The following TSPAN15 variants were observed in gnomAD, a reference collection of about 807,000 sequenced individuals.
TSPAN15 encodes the protein tetraspanin-15.
Under a neutral mutation model 34.5 loss-of-function variants are expected in TSPAN15, and 20 were observed. The observed-to-expected ratio is 0.58, with a 90% confidence interval of 0.41 to 0.84. TSPAN15 has a LOEUF of 0.84. Among genes scored for constraint, TSPAN15 ranks in the 40% least tolerant of loss-of-function variants. The probability of loss-of-function intolerance (pLI) is 0.00; values close to 1 mark genes in which losing one functional copy is unlikely to be tolerated. For missense variants in TSPAN15, 313 were observed against 386.1 expected (o/e 0.81, Z 1.59); for synonymous variants, 155 against 153.9 (o/e 1.01, Z -0.05).
chr10:69,501,721 A>G (rs963781006), intron 5 of TSPAN15, among the ~76,000 whole-genome samples: 29 of 152,214 alleles, frequency 1.9e-4, no homozygotes, highest in African/African-American at 7.0e-4. Flanking sequence ...CCCTACCTCC[A>G]GGCCATGAAC....
chr10:69,490,724 C>G (rs930742581), intron 3 of TSPAN15, among the ~76,000 whole-genome samples: 7 of 152,162 alleles, frequency 4.6e-5, no homozygotes, highest in African/African-American at 1.7e-4. Flanking sequence ...GATTCTGTCT[C>G]AAACAAAACA....
rs559602492 is a variant in TSPAN15 at position 69,476,004 on chromosome 10, A to G, written c.97-7687A>G. 3.3e-5 allele frequency among the ~76,000 whole-genome samples: 5 copies of G among 152,318 alleles called. 1 individual carries two copies. In the South Asian group the frequency reaches 1.0e-3, roughly 32 times the overall value. ...ATTTATTATTTCTTCACTTAGGAGCAGGAAGACCTGCTAGAGTAGAAATGT... is the reference window on the plus strand; with the variant it reads ...ATTTATTATTTCTTCACTTAGGAGCGGGAAGACCTGCTAGAGTAGAAATGT... On this transcript the variant is annotated intron_variant, in intron 1 of 7. Transcript: ENST00000373290.
At position 69,507,338 on chromosome 10, in the gene TSPAN15, G is replaced by A. The variant is rs1842353932; in HGVS notation, c.*360G>A. On this transcript the variant is annotated 3_prime_UTR_variant, in exon 8 of 8. Coordinates refer to ENST00000373290, the MANE Select transcript of TSPAN15 (RefSeq NM_012339.5). ...CGGTGGTATTCAAGGCAGTTTTGTAGCACCTGTAATTGGGGAGAGGGAGTG... is the reference window on the plus strand; with the variant it reads ...CGGTGGTATTCAAGGCAGTTTTGTAACACCTGTAATTGGGGAGAGGGAGTG... The A allele has an allele frequency of 8.2e-7, 1 of 1,216,400 alleles. No individual in the cohort carries two copies. The highest frequency in any genetic ancestry group is 1.0e-6 in the Non-Finnish European group (1 of 961,636). 75.4% of individuals were successfully genotyped at this position (1,216,400 alleles called of 1,614,324 possible).
chr10:69,495,753 T>TCTTCTTGAGCAGGG, intron 4 of TSPAN15, 64 bp downstream of exon 4: 1 of 1,178,718 alleles, frequency 8.5e-7, no homozygotes, highest in Non-Finnish European at 1.3e-6. Flanking sequence ...TTCAGGCCCC[T>TCTTCTTGAGCAGGG]GCTCAAGAAG....
chr10:69,527,856 T>C, the TSPAN15 span, among the ~76,000 whole-genome samples: 20 of 147,206 alleles, frequency 1.4e-4, 5 homozygotes, highest in East Asian at 4.8e-3. Context: ...ATTAGGGGGG[T>C]GACAGCTAAA....
At chr10:69,489,142 T>C (rs1841917220) in intron 3 of TSPAN15, among the ~76,000 whole-genome samples, 1 of 152,180 alleles carries the variant, frequency 6.6e-6, no homozygotes, top group Admixed American at 6.5e-5. Flanking sequence ...AGAGTGTTAA[T>C]ATCAATATTC....
the TSPAN15 span, among the ~76,000 whole-genome samples, chr10:69,544,890 A>G: frequency 6.6e-6 from 1 of 152,112 alleles, no homozygotes; most frequent in African/African-American, 2.4e-5. Flanking sequence ...GCCAGAGCAA[A>G]TCGGCCTTCA....
chr10:69,476,064 G>C (rs1841607774), intron 1 of TSPAN15, among the ~76,000 whole-genome samples: 1 of 152,012 alleles, frequency 6.6e-6, no homozygotes, highest in Admixed American at 6.6e-5. Context: ...GATTCATTCT[G>C]GTTCCAATCA....
the TSPAN15 span, among the ~76,000 whole-genome samples, chr10:69,525,820 C>CAAAA: frequency 1.7e-5 from 2 of 115,782 alleles, no homozygotes; most frequent in Admixed American, 9.5e-5. Context: ...GACTCTGTCT[C>CAAAA]AAAAAAAAAA....
chr10:69,460,973 C>T (rs571948384), intron 1 of TSPAN15, among the ~76,000 whole-genome samples: 1 of 152,090 alleles, frequency 6.6e-6, no homozygotes, highest in Non-Finnish European at 1.5e-5. Flanking sequence ...ACTCTCTGTG[C>T]CTTGGTTTTC....
At chr10:69,546,945 A>C in the TSPAN15 span, among the ~76,000 whole-genome samples, 1 of 152,100 alleles carries the variant, frequency 6.6e-6, no homozygotes, top group African/African-American at 2.4e-5. Context: ...GGAGTTCAAA[A>C]CCAGCCTGGC....
chr10:69,477,259 C>T (rs1012174524), intron 1 of TSPAN15, among the ~76,000 whole-genome samples: 60 of 152,064 alleles, frequency 3.9e-4, no homozygotes, highest in Admixed American at 1.3e-3. Context: ...CTCAGCCTCC[C>T]GAGTAGCTGG....
the TSPAN15 span, among the ~76,000 whole-genome samples, chr10:69,546,668 A>G: frequency 0.32 from 49,152 of 151,974 alleles, 8,007 homozygotes; most frequent in Non-Finnish European, 0.35. Flanking sequence ...CCAACATCCA[A>G]TCACCAAGGT....
At chr10:69,469,922 T>G (rs544234796) in intron 1 of TSPAN15, among the ~76,000 whole-genome samples, 7 of 152,330 alleles carry the variant, frequency 4.6e-5, no homozygotes, top group South Asian at 2.1e-4. Flanking sequence ...TGAATTAAAT[T>G]GTACGACACC....
At chr10:69,487,920 G>C (rs914990074) in intron 3 of TSPAN15, among the ~76,000 whole-genome samples, 1 of 152,200 alleles carries the variant, frequency 6.6e-6, no homozygotes, top group Non-Finnish European at 1.5e-5. Flanking sequence ...GTAGGGCCTT[G>C]GTATGCAGCC....
chr10:69,483,900 A>C, intron 2 of TSPAN15, 24 bp downstream of exon 2: 1 of 1,605,450 alleles, frequency 6.2e-7, no homozygotes, highest in Non-Finnish European at 8.5e-7. Flanking sequence ...ACCACCCCTC[A>C]GCCGGGACTC....
the TSPAN15 span, among the ~76,000 whole-genome samples, chr10:69,516,634 A>T: frequency 6.6e-6 from 1 of 152,224 alleles, no homozygotes; most frequent in Non-Finnish European, 1.5e-5. Context: ...ACATGGGATC[A>T]TGCATGGAAA....
At chr10:69,492,094 A>T (rs1841980598) in intron 3 of TSPAN15, among the ~76,000 whole-genome samples, 1 of 152,172 alleles carries the variant, frequency 6.6e-6, no homozygotes, top group South Asian at 2.1e-4. Context: ...TCTTTGCTTA[A>T]TTTAGCCTGG....
chr10:69,498,160 C>T (rs1842125607), intron 4 of TSPAN15, 120 bp from the exon 5 acceptor site: 1 of 836,638 alleles, frequency 1.2e-6, no homozygotes, highest in African/African-American at 1.7e-5. Flanking sequence ...TACAGCCTCT[C>T]CCTGCCCCAG....
Sources: allele counts gnomAD v4.1 joint callset (sites outside exome capture counted in the v4.1 genomes callset), GRCh38; gene constraint gnomAD v4.1.1; transcripts MANE v1.5; gene names NCBI Gene and HGNC (gene_info 2026-07-23, HGNC 2026-07-21).